Variants in PEX5 observed in about 807,000 individuals in gnomAD.
PEX5 encodes peroxisomal biogenesis factor 5.
In PEX5, 52 loss-of-function variants were observed where a neutral mutation model predicts 82.9. The observed-to-expected ratio is 0.63, with a 90% CI of 0.50 to 0.79. The LOEUF is 0.79. Among genes scored for constraint, PEX5 ranks in the 30% least tolerant of loss-of-function variants. PEX5 has a pLI of 0.00. For missense variants in PEX5, 719 were observed against 815.2 expected, an observed-to-expected ratio of 0.88 and a Z score of 1.44; for synonymous variants, 300 against 318.8, an observed-to-expected ratio of 0.94 and a Z score of 0.63.
In PEX5 at chr12:7,210,353, G is replaced by C. The variant is rs147026028; in HGVS notation, c.*130G>C. On this transcript the variant is annotated 3_prime_UTR_variant, in exon 16 of 16. Transcript: ENST00000675855. Reference sequence around the variant, plus strand: ...TAAGCGGTACGGCCTTTCAGGAGCTGCCTCAACGTAGGGGTGGGTAGTCTG... The same window carrying C: ...TAAGCGGTACGGCCTTTCAGGAGCTCCCTCAACGTAGGGGTGGGTAGTCTG... 3 of 814,572 alleles carry C rather than the reference G, an allele frequency of 3.7e-6. No individual in the cohort carries two copies. Among genetic ancestry groups the C allele is most frequent in the Non-Finnish European group, 6.3e-6 (3 of 478,940 alleles). The allele number at this position is 814,572 out of a possible 1,614,324, so 50.5% of individuals were successfully genotyped here.
intron 1 of PEX5, 66 bp downstream of exon 1, chr12:7,189,816 C>A: frequency 1.0e-6 from 1 of 953,322 alleles, no homozygotes; most frequent in Non-Finnish European, 1.4e-6. Flanking sequence ...TTGCGGTGGC[C>A]TCGCGGGTCC....
At chr12:7,212,026 C>T (rs897802229), downstream of PEX5, among the ~76,000 whole-genome samples, 7 of 149,242 alleles carry the variant, frequency 4.7e-5, no homozygotes, top group South Asian at 2.1e-4. Flanking sequence ...AGTGCAATGG[C>T]GTGATCTCAG....
Position 7,191,274 on chromosome 12 carries a change from G to GC in PEX5, c.236dup (p.Gln80SerfsTer7). 1.2e-6 allele frequency: 2 copies of GC among 1,614,122 alleles called. No homozygotes were observed. The highest frequency in any genetic ancestry group is 1.7e-6 in the Non-Finnish European group (2 of 1,180,004). ...CCAGAATGCACCCCTTGTGTCCCGTGCCCCTCAGACCTTCAAGATGGATGA... is the reference window on the plus strand; with the variant it reads ...CCAGAATGCACCCCTTGTGTCCCGTGCCCCCTCAGACCTTCAAGATGGATGA... On this transcript the variant is annotated frameshift_variant, in exon 4 of 16. Transcript: ENST00000675855. LOFTEE classifies it high-confidence loss of function.
Position 7,191,673 on chromosome 12 carries a change from T to G in PEX5, c.421T>G (p.Ser141Ala), listed in dbSNP as rs200475014. 152 of 1,613,738 alleles carry G rather than the reference T, an allele frequency of 9.4e-5. No individual in the cohort carries two copies. The highest frequency in any genetic ancestry group is 1.3e-4 in the Non-Finnish European group (149 of 1,179,742). ...VTQDYNETDW[S>A]QEFISEVTDP... is the part of the protein sequence containing the mutation. ...TCAGGATTATAATGAGACTGACTGG[T>G]CCCAAGAATTCATCTCTGAAGTTAC... The change falls in exon 5 of 16, where the codon TCC (serine) becomes GCC (alanine). Residue 141 changes from serine to alanine, a missense_variant. Coordinates refer to ENST00000675855, the MANE Select transcript of PEX5 (RefSeq NM_001351132.2).
At chr12:7,191,152 CCCT>C in intron 3 of PEX5, 71 bp from the exon 4 acceptor site, 2 of 1,536,048 alleles carry the variant, frequency 1.3e-6, no homozygotes, top group Non-Finnish European at 1.8e-6. Context: ...ATTGGGATCC[CCCT>C]CCAGTGGGTC....
chr12:7,208,426 A>G (rs762727578), intron 12 of PEX5, 31 bp from the exon 13 acceptor site: 3 of 1,535,002 alleles, frequency 2.0e-6, no homozygotes, highest in African/African-American at 1.4e-5. Context: ...GTCATTGCAG[A>G]TATCAAGTCT....
downstream of PEX5, among the ~76,000 whole-genome samples, chr12:7,215,425 A>G (rs952921356): frequency 6.6e-6 from 1 of 152,216 alleles, no homozygotes; most frequent in Non-Finnish European, 1.5e-5. Flanking sequence ...TCACTACCCA[A>G]AAGACACATG....
At chr12:7,202,420 C>T in intron 8 of PEX5, 69 bp downstream of exon 8, 1 of 1,579,526 alleles carries the variant, frequency 6.3e-7, no homozygotes, top group Admixed American at 1.7e-5. Flanking sequence ...GTTCAGTGGT[C>T]AGTGGTCCCA....
At position 7,209,084 on chromosome 12, in the gene PEX5, T is replaced by A; in HGVS notation, c.1474T>A (p.Cys492Ser). The A allele has an allele frequency of 6.2e-7, 1 of 1,614,090 alleles. No individual in the cohort carries two copies. Among genetic ancestry groups the A allele is most frequent in the Non-Finnish European group, 8.5e-7 (1 of 1,180,008 alleles). ...DPTSIDPDVQCGLGVLFNLSG... is the reference protein window; with the variant it reads ...DPTSIDPDVQSGLGVLFNLSG... ...TACCTCCATTGACCCTGATGTGCAGTGTGGCTTGGGAGTCCTTTTCAACCT... is the reference window on the plus strand; with the variant it reads ...TACCTCCATTGACCCTGATGTGCAGAGTGGCTTGGGAGTCCTTTTCAACCT... The change falls in exon 14 of 16, where the codon TGT becomes AGT. Residue 492 changes from cysteine (C) to serine (S), a missense_variant. Coordinates refer to ENST00000675855, the MANE Select transcript of PEX5 (RefSeq NM_001351132.2).
At chr12:7,189,927 G>A (rs1304197072) in intron 1 of PEX5, 177 bp downstream of exon 1, 1 of 1,464,006 alleles carries the variant, frequency 6.8e-7, no homozygotes, top group South Asian at 1.4e-5. Flanking sequence ...TGACTTAAGG[G>A]GAGGGAATGC....
At chr12:7,193,588 C>A (rs1469442068) in intron 5 of PEX5, among the ~76,000 whole-genome samples, 1 of 152,072 alleles carries the variant, frequency 6.6e-6, no homozygotes, top group Non-Finnish European at 1.5e-5. Flanking sequence ...TAGCAAAGAC[C>A]CTCTCCAAGA....
chr12:7,190,035 C>G lies in PEX5; in HGVS notation c.-17+285C>G. 7 of 1,503,768 alleles carry G rather than the reference C, an allele frequency of 4.7e-6. No individual in the cohort carries two copies. The South Asian group carries it at 7.6e-5, about 16-fold the overall frequency. 93.2% of individuals were successfully genotyped at this position (1,503,768 alleles called of 1,614,324 possible). ...TTCTTCGGGCAGTGTCGCCGTCCAG[C>G]CTGGTTGTTGAAGCGTCCCCGTGGT... is the stretch of plus-strand genomic sequence containing the variant. On this transcript the variant is annotated intron_variant, in intron 1 of 15. Coordinates refer to ENST00000675855, the MANE Select transcript of PEX5 (RefSeq NM_001351132.2).
At position 7,203,218 on chromosome 12, in the gene PEX5, G is replaced by GAA. The variant is rs1565707699; in HGVS notation, c.847-214_847-213insAA. ...GCACTGCACTGCACTGCACTGCACT[G>GAA]CACTACATTACATTTCTGGCCATCA... On this transcript the variant is annotated intron_variant, in intron 9 of 15. Coordinates refer to ENST00000675855, the MANE Select transcript of PEX5 (RefSeq NM_001351132.2). 5.2e-4 allele frequency among the ~76,000 whole-genome samples: 42 copies of GAA among 80,814 alleles called. 5 individuals are homozygous for GAA. Among genetic ancestry groups the GAA allele is most frequent in the African/African-American group, 1.5e-3 (42 of 27,512 alleles). 53.0% of individuals were successfully genotyped at this position (80,814 alleles called of 152,430 possible).
intron 4 of PEX5, 40 bp downstream of exon 4, chr12:7,191,398 T>C (rs777166931): frequency 6.8e-6 from 11 of 1,613,854 alleles, no homozygotes; most frequent in Admixed American, 1.7e-5. Context: ...TCGTTTTCCA[T>C]GTAGCCAGGG....
chr12:7,190,938 C>A lies in PEX5; in HGVS notation c.183+15C>A, dbSNP rs1044102845. ...CTGAAGATGAGGTAAATAGACCAGTCTCTTTTCTGTCCCATTTTTCTCTTG... is the reference window on the plus strand; with the variant it reads ...CTGAAGATGAGGTAAATAGACCAGTATCTTTTCTGTCCCATTTTTCTCTTG... On this transcript the variant is annotated intron_variant, in intron 3 of 15. Transcript: ENST00000675855. The A allele has an allele frequency of 6.2e-7, 1 of 1,609,544 alleles. No homozygotes were observed. Among genetic ancestry groups the A allele is most frequent in the Admixed American group, 1.7e-5 (1 of 60,020 alleles).
At chr12:7,188,969 A>C (rs745340620), upstream of PEX5, 1 of 152,332 alleles carries the variant, frequency 6.6e-6, no homozygotes, top group East Asian at 1.9e-4. Flanking sequence ...GAATAAGGCC[A>C]CTATGTTGAC....
chr12:7,191,451 C>T lies in PEX5; in HGVS notation c.316+93C>T. The stretch of plus-strand genomic sequence containing the variant: ...ATTGGATGCTGCTGGCATTGGGGAC[C>T]TGAGATGCAGAAGGAGACAAAAGTA... On this transcript the variant is annotated intron_variant, in intron 4 of 15. Coordinates refer to ENST00000675855, the MANE Select transcript of PEX5 (RefSeq NM_001351132.2). 1.9e-6 allele frequency: 3 copies of T among 1,599,966 alleles called. No homozygotes were observed. In the East Asian group the frequency reaches 6.7e-5, roughly 36 times the overall value.
Position 7,190,885 on chromosome 12 carries a change from T to C in PEX5, c.148-3T>C. ...ATTGTACATCTCTGTCTTTCTCTCT[T>C]AGGCCTCCAAGCCTTTGGGAGTAGC... On this transcript the variant is annotated splice_region_variant and splice_polypyrimidine_tract_variant and intron_variant, in intron 2 of 15. Transcript: ENST00000675855. 6 of 1,613,300 alleles carry C rather than the reference T, an allele frequency of 3.7e-6. No homozygotes were observed. The highest frequency in any genetic ancestry group is 5.1e-6 in the Non-Finnish European group (6 of 1,179,202).
chr12:7,190,278 G>C, intron 1 of PEX5, 84 bp from the exon 2 acceptor site: 1 of 1,594,662 alleles, frequency 6.3e-7, no homozygotes, highest in Non-Finnish European at 8.5e-7. Context: ...ACGCCTGTGT[G>C]CCTTCCTCAG....
Sources: gnomAD v4.1 joint callset for allele counts (sites outside exome capture counted in the v4.1 genomes callset) on GRCh38, gnomAD v4.1.1 for gene constraint, MANE v1.5 for transcripts, NCBI Gene and HGNC (gene_info 2026-07-23, HGNC 2026-07-21) for gene names.